The following YBEY variants were observed in gnomAD, a reference collection of about 807,000 sequenced individuals.
YBEY encodes the protein ybeY metalloendoribonuclease, also known as endoribonuclease YbeY.
A neutral mutation model predicts 13.5 loss-of-function variants in YBEY; 15 were observed. That is an observed-to-expected ratio of 1.11 (90% CI 0.75 to 1.72). The LOEUF (loss-of-function observed/expected upper bound fraction) is 1.72. Ranked by LOEUF, YBEY falls within the 40% of genes most tolerant of loss-of-function variation. The probability of loss-of-function intolerance (pLI) is 0.00; values close to 1 mark genes in which losing one functional copy is unlikely to be tolerated. For missense variants in YBEY, 244 were observed against 208.4 expected, an observed-to-expected ratio of 1.17 and a Z score of -1.05; for synonymous variants, 101 against 83.1, an observed-to-expected ratio of 1.21 and a Z score of -1.17.
downstream of YBEY, among the ~76,000 whole-genome samples, chr21:46,298,622 G>A (rs993560594): frequency 2.6e-5 from 4 of 151,610 alleles, no homozygotes; most frequent in Admixed American, 6.6e-5. Context: ...GTAGAGACGG[G>A]GTTTCACTGT....
the YBEY span, among the ~76,000 whole-genome samples, chr21:46,309,235 CA>C: frequency 6.6e-6 from 1 of 151,902 alleles, no homozygotes; most frequent in African/African-American, 2.4e-5. Flanking sequence ...CCGAGGCAGG[CA>C]GATCATCTGA....
chr21:46,304,583 C>T, the YBEY span, among the ~76,000 whole-genome samples: 2 of 152,044 alleles, frequency 1.3e-5, no homozygotes, highest in South Asian at 4.1e-4. Context: ...CCATAAGATG[C>T]CCACCACGCT....
chr21:46,301,724 G>A, downstream of YBEY: 1 of 1,201,586 alleles, frequency 8.3e-7, no homozygotes, highest in African/African-American at 1.6e-5. Flanking sequence ...CTACAGGAAA[G>A]GAGGGGTCCC....
downstream of YBEY, chr21:46,301,286 C>T (rs1273728552): frequency 1.6e-5 from 4 of 252,816 alleles, no homozygotes; most frequent in African/African-American, 4.6e-5. Context: ...AGATAACAGG[C>T]GCATATCACC....
At chr21:46,303,402 A>G in the YBEY span, among the ~76,000 whole-genome samples, 1 of 151,918 alleles carries the variant, frequency 6.6e-6, no homozygotes, top group Non-Finnish European at 1.5e-5. Flanking sequence ...TGAAAAGGCA[A>G]CCACAAGAAG....
chr21:46,303,752 T>TATATAGA, the YBEY span, among the ~76,000 whole-genome samples: 1 of 27,666 alleles, frequency 3.6e-5, no homozygotes, highest in African/African-American at 1.2e-4. Flanking sequence ...TATATTTTTT[T>TATATAGA]TTTTTTTTTT....
At chr21:46,304,424 T>G in the YBEY span, among the ~76,000 whole-genome samples, 1 of 151,420 alleles carries the variant, frequency 6.6e-6, no homozygotes. Context: ...AAGTTGAGGC[T>G]GCAGCGAGGT....
chr21:46,307,373 T>C, the YBEY span, among the ~76,000 whole-genome samples: 1 of 151,730 alleles, frequency 6.6e-6, no homozygotes, highest in African/African-American at 2.4e-5. Context: ...AGGCACACAC[T>C]CACCCATTCA....
At chr21:46,298,446 T>TTTTTTTTTTTTTTTTTTTTTTTTTG (rs1375821400), downstream of YBEY, among the ~76,000 whole-genome samples, 2 of 139,730 alleles carry the variant, frequency 1.4e-5, no homozygotes, top group African/African-American at 2.6e-5. Flanking sequence ...TTTTTTTTTT[T>TTTTTTTTTTTTTTTTTTTTTTTTTG]GAGACGGAGT....
chr21:46,298,252 C>A (rs1369825491), downstream of YBEY, among the ~76,000 whole-genome samples: 2 of 186 alleles, frequency 0.011, no homozygotes, highest in African/African-American at 0.043. Context: ...TGCCTTCCCA[C>A]TGACTTGCGT....
At chr21:46,305,691 G>C in the YBEY span, among the ~76,000 whole-genome samples, 1 of 152,134 alleles carries the variant, frequency 6.6e-6, no homozygotes, top group African/African-American at 2.4e-5. Flanking sequence ...TGTAATCCCA[G>C]AACTTTGGGA....
chr21:46,298,576 C>T (rs1395480002), downstream of YBEY, among the ~76,000 whole-genome samples: 1 of 151,432 alleles, frequency 6.6e-6, no homozygotes, highest in African/African-American at 2.4e-5. Flanking sequence ...ACTACAGGCG[C>T]CCGCCACCTC....
downstream of YBEY, chr21:46,301,704 C>T (rs1457488887): frequency 4.3e-6 from 5 of 1,168,220 alleles, no homozygotes; most frequent in Non-Finnish European, 5.3e-6. Context: ...CCAGGTGGGC[C>T]GGCGCCGCCC....
At chr21:46,310,844 A>T in the YBEY span, among the ~76,000 whole-genome samples, 1 of 151,378 alleles carries the variant, frequency 6.6e-6, no homozygotes, top group African/African-American at 2.4e-5. Context: ...AATAAATTTT[A>T]AAAATCAAGT....
At chr21:46,301,474 G>A, downstream of YBEY, 3 of 831,504 alleles carry the variant, frequency 3.6e-6, no homozygotes, top group Non-Finnish European at 2.6e-6. Flanking sequence ...TGCCACAGCT[G>A]TGGACACAGG....
At chr21:46,300,533 GCA>G (rs754734215), downstream of YBEY, 54 of 586,948 alleles carry the variant, frequency 9.2e-5, no homozygotes, top group Non-Finnish European at 1.2e-4. Context: ...TTTAACGAGA[GCA>G]CAGAGTCTCT....
chr21:46,300,539 A>T, downstream of YBEY: 5 of 621,526 alleles, frequency 8.0e-6, no homozygotes, highest in Non-Finnish European at 4.3e-6. Context: ...GAGAGCACAG[A>T]GTCTCTGGAA....
At chr21:46,297,345 G>A (rs1356463933) in intron 4 of YBEY, among the ~76,000 whole-genome samples, 194 bp from the exon 5 acceptor site, 1 of 151,520 alleles carries the variant, frequency 6.6e-6, no homozygotes. Context: ...GGCCTGTGGC[G>A]GTTCGTGCAC....
intron 3 of YBEY, among the ~76,000 whole-genome samples, chr21:46,295,862 TC>T (rs1164423199): frequency 9.0e-5 from 12 of 133,418 alleles, no homozygotes; most frequent in African/African-American, 3.1e-4. Context: ...TCATATTCCA[TC>T]CCCCCTTGCC....
Sources: gnomAD v4.1 joint callset for allele counts (sites outside exome capture counted in the v4.1 genomes callset) on GRCh38, gnomAD v4.1.1 for gene constraint, MANE v1.5 for transcripts, NCBI Gene and HGNC (gene_info 2026-07-23, HGNC 2026-07-21) for gene names.